Variants in GREB1 observed in about 807,000 individuals in gnomAD.
GREB1 encodes the protein protein GREB1.
GREB1 carries 106 observed loss-of-function variants against 200.7 expected under a neutral mutation model. The observed-to-expected ratio is 0.53, with a 90% CI of 0.45 to 0.62. The LOEUF (loss-of-function observed/expected upper bound fraction) is 0.62, where lower values mean the gene tolerates loss of function less well. Ranked by LOEUF, GREB1 falls within the 20% of genes least tolerant of loss-of-function variation. GREB1 has a pLI of 0.00. For missense variants in GREB1, 2,243 were observed against 2,556.8 expected (o/e 0.88, Z 2.65); for synonymous variants, 1,132 against 1,092.4 (o/e 1.04, Z -0.72).
rs182180141 is a variant in GREB1 at position 11,623,763 on chromosome 2, C to T, written c.4148-1391C>T. On this transcript the variant is annotated intron_variant, in intron 23 of 32. Coordinates refer to ENST00000381486, the MANE Select transcript of GREB1 (RefSeq NM_014668.4). ...AAAATTAGCTGGATGTGGTGGCACGCGCCTGTAATTTCAGCTACTCCAGCC... is the reference window on the plus strand; with the variant it reads ...AAAATTAGCTGGATGTGGTGGCACGTGCCTGTAATTTCAGCTACTCCAGCC... 2.2e-3 allele frequency among the ~76,000 whole-genome samples: 336 copies of T among 152,176 alleles called. 1 individual carries two copies. The highest frequency in any genetic ancestry group is 7.8e-3 in the African/African-American group (324 of 41,502).
chr2:11,565,287 G>A (rs1433926633), intron 3 of GREB1, among the ~76,000 whole-genome samples: 1 of 152,244 alleles, frequency 6.6e-6, no homozygotes, highest in Non-Finnish European at 1.5e-5. Context: ...GGTGCCTGGT[G>A]TGTGGTGGTG....
intron 1 of GREB1, among the ~76,000 whole-genome samples, chr2:11,551,974 A>G (rs1345699783): frequency 1.3e-5 from 2 of 152,264 alleles, no homozygotes; most frequent in Non-Finnish European, 2.9e-5. Flanking sequence ...CTCAGATTTA[A>G]CTAGAAATTA....
chr2:11,508,027 A>G (rs958582204), intron 1 of GREB1, among the ~76,000 whole-genome samples: 1 of 152,244 alleles, frequency 6.6e-6, no homozygotes, highest in African/African-American at 2.4e-5. Context: ...AAAGCCATGT[A>G]CTAGATATAT....
At chr2:11,551,296 T>A (rs1414060788) in intron 1 of GREB1, among the ~76,000 whole-genome samples, 1 of 152,202 alleles carries the variant, frequency 6.6e-6, no homozygotes, top group African/African-American at 2.4e-5. Context: ...ACCAGTTGAA[T>A]CTCCACGTAG....
In GREB1 at chr2:11,602,431, A is replaced by G. The variant is rs1241229756; in HGVS notation, c.2555A>G (p.Lys852Arg). 6.2e-7 allele frequency: 1 copy of G among 1,613,598 alleles called. No individual in the cohort carries two copies. Among genetic ancestry groups the G allele is most frequent in the Non-Finnish European group, 8.5e-7 (1 of 1,179,478 alleles). The change falls in exon 17 of 33, where the codon AAG becomes AGG. Residue 852 changes from lysine to arginine, a missense_variant. Physicochemically the swap from Lys to Arg is conservative, Grantham distance 26 (BLOSUM62 2). Coordinates refer to ENST00000381486, the MANE Select transcript of GREB1 (RefSeq NM_014668.4). ...GGAGTGGACTTATATCATGAAAATA[A>G]GAAGTACTTCGGGCTGTCGGAGTTT... ...SNGVDLYHEN[K>R]KYFGLSEFIE...
intron 1 of GREB1, among the ~76,000 whole-genome samples, chr2:11,494,830 C>A (rs868613593): frequency 1.3e-5 from 2 of 152,204 alleles, no homozygotes; most frequent in South Asian, 2.1e-4. Context: ...CGAGTTTACA[C>A]CGCAGGTGCT....
chr2:11,506,933 A>G (rs1673196693), intron 1 of GREB1, among the ~76,000 whole-genome samples: 1 of 152,222 alleles, frequency 6.6e-6, no homozygotes, highest in Non-Finnish European at 1.5e-5. Flanking sequence ...TAAATACAAC[A>G]TGTGTTACAT....
intron 17 of GREB1, among the ~76,000 whole-genome samples, chr2:11,607,527 T>C (rs941207466): frequency 6.5e-5 from 6 of 92,506 alleles, no homozygotes; most frequent in African/African-American, 8.9e-5. Flanking sequence ...TACATATATA[T>C]ACACATATAT....
intron 3 of GREB1, among the ~76,000 whole-genome samples, chr2:11,563,326 T>G (rs1377166105): frequency 6.6e-6 from 1 of 152,154 alleles, no homozygotes; most frequent in Non-Finnish European, 1.5e-5. Context: ...CAGATACACA[T>G]AATCTCAGGG....
intron 10 of GREB1, 142 bp downstream of exon 10, chr2:11,589,073 G>A (rs1054710402): frequency 4.8e-5 from 32 of 664,192 alleles, no homozygotes; most frequent in African/African-American, 3.9e-4. Flanking sequence ...CTGGCGGGAC[G>A]TCATGAAGTC....
At chr2:11,560,700 T>G (rs1676930600) in intron 2 of GREB1, among the ~76,000 whole-genome samples, 1 of 141,188 alleles carries the variant, frequency 7.1e-6, no homozygotes, top group East Asian at 2.1e-4. Context: ...AAACTCCATC[T>G]CAAAAAAAAA....
At chr2:11,602,610 G>C (rs1278054961) in intron 17 of GREB1, 68 bp downstream of exon 17, 1 of 1,393,380 alleles carries the variant, frequency 7.2e-7, no homozygotes, top group Non-Finnish European at 1.0e-6. Flanking sequence ...GGTGCGTTTA[G>C]CCAGCCAGGG....
At chr2:11,623,969 T>C (rs562985276) in intron 23 of GREB1, among the ~76,000 whole-genome samples, 25 of 150,444 alleles carry the variant, frequency 1.7e-4, no homozygotes, top group Non-Finnish European at 3.2e-4. Context: ...AATAAGGATA[T>C]CAAGAAAGAA....
Position 11,585,188 on chromosome 2 carries a change from A to T in GREB1, c.929A>T (p.Lys310Ile). Residue 310 changes from lysine to isoleucine, a missense_variant, in exon 8 of 33, where the codon AAA becomes ATA. By Grantham distance (102) the Lys-to-Ile change is moderately radical (BLOSUM62 -3). This residue lies in a region of GREB1 where 1,178 missense variants were observed against 1,387.4 expected (regional missense o/e 0.85). Transcript: ENST00000381486. ...ATCTTGTCAAACTCCGGGCCCCCCA[A>T]AAAACGCCACAAAGGGTGGTCTCCA... is the stretch of plus-strand genomic sequence containing the variant. The part of the protein sequence containing the change: ...LGILSNSGPP[K>I]KRHKGWSPES... 1 of 1,580,194 alleles carries T rather than the reference A, an allele frequency of 6.3e-7. No individual in the cohort carries two copies. Among genetic ancestry groups the T allele is most frequent in the Non-Finnish European group, 8.6e-7 (1 of 1,166,556 alleles).
At chr2:11,570,401 TAAAAA>T (rs202175567) in intron 4 of GREB1, among the ~76,000 whole-genome samples, 2 of 132,296 alleles carry the variant, frequency 1.5e-5, no homozygotes, top group African/African-American at 2.7e-5. Flanking sequence ...GAAACTCCAT[TAAAAA>T]AAAAAAAAAA....
chr2:11,626,827 G>A, intron 24 of GREB1, 135 bp from the exon 25 acceptor site: 1 of 832,886 alleles, frequency 1.2e-6, no homozygotes, highest in Admixed American at 2.1e-5. Context: ...CCAGGGAGGT[G>A]AGAGGCAGTC....
chr2:11,627,735 G>A (rs1572192039), intron 25 of GREB1, among the ~76,000 whole-genome samples: 1 of 152,196 alleles, frequency 6.6e-6, no homozygotes, highest in African/African-American at 2.4e-5. Context: ...AGGCCCTGGT[G>A]GGTCACCTGA....
chr2:11,486,581 G>A (rs565676087), intron 1 of GREB1, among the ~76,000 whole-genome samples: 2 of 152,116 alleles, frequency 1.3e-5, no homozygotes, highest in Non-Finnish European at 2.9e-5. Context: ...AGCCAGGTGT[G>A]GTAGCTGATG....
Position 11,640,601 on chromosome 2 carries a change from C to A in GREB1, c.*147C>A, listed in dbSNP as rs368426768. On this transcript the variant is annotated 3_prime_UTR_variant, in exon 33 of 33. Coordinates refer to ENST00000381486, the MANE Select transcript of GREB1 (RefSeq NM_014668.4). The surrounding 1 kb of genome is among the most constrained non-coding windows in gnomAD (Gnocchi z 4.6). Reference sequence around the variant, plus strand: ...GCAGCCCCTCCTAGTACACATGGGCCCCCGAGGCCGTGGTCCTGGGAGCCA... The same window carrying A: ...GCAGCCCCTCCTAGTACACATGGGCACCCGAGGCCGTGGTCCTGGGAGCCA... 2.3e-6 allele frequency: 2 copies of A among 863,738 alleles called. No homozygotes were observed. The highest frequency in any genetic ancestry group is 1.7e-5 in the African/African-American group (1 of 58,708). The allele number at this position is 863,738 out of a possible 1,614,324, so 53.5% of individuals were successfully genotyped here.
Sources: gnomAD v4.1 joint callset for allele counts (sites outside exome capture counted in the v4.1 genomes callset) on GRCh38, gnomAD v4.1.1 for gene constraint, gnomAD v4.1.1 regional missense constraint, Gnocchi (gnomAD v3.1) non-coding constraint, MANE v1.5 for transcripts, NCBI Gene and HGNC (gene_info 2026-07-23, HGNC 2026-07-21) for gene names.